PAFAH1B2: variants seen among roughly 807,000 people sequenced by gnomAD.
The protein encoded by PAFAH1B2 is platelet activating factor acetylhydrolase 1b catalytic subunit 2, also known as platelet-activating factor acetylhydrolase IB subunit alpha2.
PAFAH1B2 carries 8 observed loss-of-function variants against 28.0 expected under a neutral mutation model. The observed-to-expected ratio is 0.29, with a 90% CI of 0.17 to 0.52. The LOEUF (loss-of-function observed/expected upper bound fraction) is 0.52. Ranked by LOEUF, PAFAH1B2 falls within the 20% of genes least tolerant of loss-of-function variation. The pLI is 0.97. For missense variants in PAFAH1B2, 190 were observed against 282.6 expected (o/e 0.67, Z 2.35); for synonymous variants, 104 against 103.2 (o/e 1.01, Z -0.05).
chr11:117,152,022 C>G (rs1045176219), intron 1 of PAFAH1B2, among the ~76,000 whole-genome samples: 1 of 152,130 alleles, frequency 6.6e-6, no homozygotes, highest in Non-Finnish European at 1.5e-5. Context: ...AATTCTGTAA[C>G]TCTTAACAGT....
At chr11:117,171,828 C>T, downstream of PAFAH1B2, 1 of 1,077,610 alleles carries the variant, frequency 9.3e-7, no homozygotes, top group South Asian at 1.4e-5. Context: ...TCACTGTTCA[C>T]CTCAGTGGTA....
At position 117,170,747 on chromosome 11, in the gene PAFAH1B2, A is replaced by C. The variant is rs572446398; in HGVS notation, c.*3048A>C. ...TGTGCTGTGGTGTATGAGCATTGCCAACTTTATATTTATTGCAGTGAAGAA... is the reference window on the plus strand; with the variant it reads ...TGTGCTGTGGTGTATGAGCATTGCCCACTTTATATTTATTGCAGTGAAGAA... On this transcript the variant is annotated 3_prime_UTR_variant, in exon 6 of 6. Coordinates refer to ENST00000527958, the MANE Select transcript of PAFAH1B2 (RefSeq NM_002572.4). The C allele has an allele frequency of 5.7e-6, 6 of 1,061,150 alleles. No individual in the cohort carries two copies. The highest frequency in any genetic ancestry group is 4.2e-4 in the Middle Eastern group (1 of 2,376). The allele number at this position is 1,061,150 out of a possible 1,614,324, so 65.7% of individuals were successfully genotyped here.
chr11:117,161,978 C>T (rs1348643415), intron 4 of PAFAH1B2, among the ~76,000 whole-genome samples: 1 of 152,058 alleles, frequency 6.6e-6, no homozygotes, highest in Non-Finnish European at 1.5e-5. Context: ...TAATCGAGGC[C>T]TGCAAGTTCA....
At chr11:117,171,630 A>C (rs1956651986), downstream of PAFAH1B2, 4 of 1,297,604 alleles carry the variant, frequency 3.1e-6, no homozygotes, top group Non-Finnish European at 3.2e-6. Flanking sequence ...AGGGTAAAGC[A>C]GCCGCCTCCA....
intron 1 of PAFAH1B2, among the ~76,000 whole-genome samples, chr11:117,149,364 T>C (rs1323961611): frequency 6.6e-6 from 1 of 150,530 alleles, no homozygotes; most frequent in Non-Finnish European, 1.5e-5. Context: ...ATTATAAGTG[T>C]GAGCCGCCAC....
At chr11:117,175,488 A>C (rs142635895), downstream of PAFAH1B2, 1,141 of 1,085,938 alleles carry the variant, frequency 1.1e-3, 9 homozygotes, top group African/African-American at 0.016. Context: ...GACGATTCAA[A>C]AGTTAAGTCT....
chr11:117,165,792 TG>T (rs1411407144), intron 5 of PAFAH1B2, among the ~76,000 whole-genome samples: 3 of 151,614 alleles, frequency 2.0e-5, no homozygotes, highest in Non-Finnish European at 2.9e-5. Context: ...AGTTTGAGCC[TG>T]GGATGGTTAG....
downstream of PAFAH1B2, among the ~76,000 whole-genome samples, chr11:117,172,382 ATATATATATATATATATATATATTTTTT>A (rs1370395191): frequency 8.3e-3 from 23 of 2,776 alleles, 1 homozygote; most frequent in South Asian, 0.071. Context: ...ATATATATAT[ATATATATATATATATATATATATTTTTT>A]TTTTTTTTTT....
chr11:117,171,765 AT>A, downstream of PAFAH1B2: 3 of 1,531,692 alleles, frequency 2.0e-6, no homozygotes, highest in Middle Eastern at 1.7e-4. Flanking sequence ...GTATGCCGGT[AT>A]GATGTTCCTT....
intron 2 of PAFAH1B2, among the ~76,000 whole-genome samples, chr11:117,156,794 G>A (rs1956264127): frequency 6.6e-6 from 1 of 152,096 alleles, no homozygotes; most frequent in Non-Finnish European, 1.5e-5. Context: ...AGGCAGAGGT[G>A]AGTGGATCGC....
intron 4 of PAFAH1B2, 125 bp downstream of exon 4, chr11:117,161,386 TTAAGG>T (rs1214799544): frequency 4.5e-5 from 26 of 583,356 alleles, no homozygotes; most frequent in African/African-American, 4.3e-4. Context: ...TCGTGCCTCT[TTAAGG>T]TAAATGATAC....
chr11:117,149,470 A>T, intron 1 of PAFAH1B2, among the ~76,000 whole-genome samples: 1 of 107,212 alleles, frequency 9.3e-6, no homozygotes. Flanking sequence ...TCTGTCCCCC[A>T]GGCTGGAGTG....
Position 117,159,977 on chromosome 11 carries a change from T to G in PAFAH1B2, c.125T>G (p.Val42Gly). 6.2e-7 allele frequency: 1 copy of G among 1,614,044 alleles called. No individual in the cohort carries two copies. Among genetic ancestry groups the G allele is most frequent in the South Asian group, 1.1e-5 (1 of 91,078 alleles). ...GACTGTAAAGACAAAGAGCCTGATG[T>G]ACTGTTCGTGGGAGACTCCATGGTG... ...VLDCKDKEPD[V>G]LFVGDSMVQL... Residue 42 changes from valine (V) to glycine (G), a missense_variant, in exon 3 of 6, where the codon GTA (valine) becomes GGA (glycine). By Grantham distance (109) the Val-to-Gly change is moderately radical (BLOSUM62 -3). Transcript: ENST00000527958.
In PAFAH1B2 at chr11:117,154,145, A is replaced by G. The variant is rs768819283; in HGVS notation, c.81+1617A>G. Among the ~76,000 whole-genome samples the G allele has an allele frequency of 2.9e-4, 44 of 151,914 alleles. 1 individual carries two copies. The highest frequency in any genetic ancestry group is 6.2e-4 in the South Asian group (3 of 4,804). ...AAAAAAAAGAAGTATACCACAGTTG[A>G]TTTGCCCATTTTTTCTTTCATGGAC... is the stretch of plus-strand genomic sequence containing the variant. On this transcript the variant is annotated intron_variant, in intron 2 of 5. Transcript: ENST00000527958.
chr11:117,175,871 G>T, downstream of PAFAH1B2: 1 of 1,531,514 alleles, frequency 6.5e-7, no homozygotes, highest in Non-Finnish European at 8.7e-7. Flanking sequence ...AGACCAGCCT[G>T]GGCAATGTAT....
At chr11:117,145,491 T>A (rs775148105) in intron 1 of PAFAH1B2, among the ~76,000 whole-genome samples, 7 of 152,214 alleles carry the variant, frequency 4.6e-5, no homozygotes, top group Admixed American at 2.0e-4. Context: ...AGTGCTTAAT[T>A]AAGATTGTCT....
At position 117,168,446 on chromosome 11, in the gene PAFAH1B2, G is replaced by GTTGTTTTT. The variant is rs1956564166; in HGVS notation, c.*749_*750insGTTTTTTT. 8.5e-6 allele frequency: 2 copies of GTTGTTTTT among 235,936 alleles called. No homozygotes were observed. Among genetic ancestry groups the GTTGTTTTT allele is most frequent in the Non-Finnish European group, 9.9e-6 (2 of 201,212 alleles). The allele number at this position is 235,936 out of a possible 1,614,324, so 14.6% of individuals were successfully genotyped here. The stretch of plus-strand genomic sequence containing the variant: ...TCCCCTTCATTCCCCCCGCCACCCC[G>GTTGTTTTT]TTTTTTTTTTTTTTTTTTTTTTTTT... On this transcript the variant is annotated 3_prime_UTR_variant, in exon 6 of 6. Coordinates refer to ENST00000527958, the MANE Select transcript of PAFAH1B2 (RefSeq NM_002572.4).
At chr11:117,145,451 G>GT (rs1383593067) in intron 1 of PAFAH1B2, among the ~76,000 whole-genome samples, 1 of 151,858 alleles carries the variant, frequency 6.6e-6, no homozygotes, top group Non-Finnish European at 1.5e-5. Flanking sequence ...TTGGGCCGGG[G>GT]GTAAAGGTGT....
chr11:117,173,983 C>CT (rs779711614), downstream of PAFAH1B2, among the ~76,000 whole-genome samples: 6 of 151,934 alleles, frequency 3.9e-5, no homozygotes, highest in Non-Finnish European at 7.4e-5. Context: ...GGTTTTGAAT[C>CT]TTTTTTTTCT....
Sources: allele counts gnomAD v4.1 joint callset (sites outside exome capture counted in the v4.1 genomes callset), GRCh38; gene constraint gnomAD v4.1.1; transcripts MANE v1.5; gene names NCBI Gene and HGNC (gene_info 2026-07-23, HGNC 2026-07-21).